The following EML6 variants were observed in gnomAD, a reference collection of about 807,000 sequenced individuals.
EML6 encodes the protein EMAP like 6, also known as echinoderm microtubule-associated protein-like 6.
In EML6, 154 loss-of-function variants were observed where a neutral mutation model predicts 240.1. The ratio of observed to expected loss-of-function variants is 0.64; its 90% CI spans 0.56 to 0.73. The LOEUF is 0.73. Among genes scored for constraint, EML6 ranks in the 30% least tolerant of loss-of-function variants. EML6 has a pLI of 0.00. For missense variants in EML6, 2,964 were observed against 2,474.6 expected (o/e 1.20, Z -4.20); for synonymous variants, 1,148 against 899.0 (o/e 1.28, Z -4.95).
intron 40 of EML6, among the ~76,000 whole-genome samples, 181 bp downstream of exon 40, chr2:54,968,462 G>A (rs556224286): frequency 5.9e-5 from 9 of 152,176 alleles, no homozygotes; most frequent in Non-Finnish European, 1.2e-4. Context: ...AAGGGAGGAT[G>A]GAGGGTGGAT....
chr2:54,949,875 G>C (rs1037332937), intron 29 of EML6, among the ~76,000 whole-genome samples: 3 of 152,186 alleles, frequency 2.0e-5, no homozygotes, highest in Non-Finnish European at 4.4e-5. Flanking sequence ...TGCTTAGAAG[G>C]CTCCTCCTGC....
At chr2:54,764,899 A>G (rs191926087) in intron 2 of EML6, among the ~76,000 whole-genome samples, 2 of 152,260 alleles carry the variant, frequency 1.3e-5, no homozygotes, top group Non-Finnish European at 2.9e-5. Flanking sequence ...GCTTCCATTA[A>G]AGCTTGTAGT....
chr2:54,858,133 C>T (rs978185031), intron 11 of EML6, among the ~76,000 whole-genome samples: 1 of 152,194 alleles, frequency 6.6e-6, no homozygotes, highest in East Asian at 1.9e-4. Flanking sequence ...CCAGAGGATT[C>T]GCTTCTTCCA....
intron 18 of EML6, 99 bp from the exon 19 acceptor site, chr2:54,892,355 T>C (rs1354780746): frequency 5.6e-6 from 4 of 711,020 alleles, no homozygotes; most frequent in Admixed American, 2.7e-5. Context: ...CATAAATACC[T>C]AATGAGAGAC....
At chr2:54,784,491 A>G (rs1261273622) in intron 2 of EML6, among the ~76,000 whole-genome samples, 1 of 152,174 alleles carries the variant, frequency 6.6e-6, no homozygotes, top group African/African-American at 2.4e-5. Flanking sequence ...CTTTGCCAAT[A>G]TTGGGTGTTA....
intron 12 of EML6, among the ~76,000 whole-genome samples, chr2:54,861,542 C>A (rs1240785220): frequency 6.6e-6 from 1 of 152,162 alleles, no homozygotes. Context: ...ACATAGTCCA[C>A]CCTCCAACCC....
intron 26 of EML6, among the ~76,000 whole-genome samples, chr2:54,927,810 G>A (rs183598127): frequency 1.3e-4 from 20 of 152,372 alleles, no homozygotes; most frequent in Middle Eastern, 3.4e-3. Flanking sequence ...TCTTTCTAGC[G>A]TCTGTGGCAG....
At chr2:54,909,903 G>A (rs962571973) in intron 24 of EML6, among the ~76,000 whole-genome samples, 3 of 150,738 alleles carry the variant, frequency 2.0e-5, no homozygotes, top group Non-Finnish European at 4.4e-5. Context: ...AGATCAAGGT[G>A]GTGCCTATTT....
intron 32 of EML6, 104 bp from the exon 33 acceptor site, chr2:54,957,686 G>A: frequency 1.0e-6 from 1 of 972,856 alleles, no homozygotes; most frequent in Non-Finnish European, 1.6e-6. Flanking sequence ...GAAGAACTGA[G>A]GCATGGCTTA....
At chr2:54,918,968 G>T (rs1019289017) in intron 26 of EML6, among the ~76,000 whole-genome samples, 1 of 152,144 alleles carries the variant, frequency 6.6e-6, no homozygotes, top group African/African-American at 2.4e-5. Flanking sequence ...ATTACCTCAT[G>T]AATCAATATT....
chr2:54,845,777 G>A (rs1385169829), intron 8 of EML6, among the ~76,000 whole-genome samples: 1 of 152,164 alleles, frequency 6.6e-6, no homozygotes, highest in Non-Finnish European at 1.5e-5. Context: ...TTACTGTGCA[G>A]CTCAGCATGG....
intron 17 of EML6, among the ~76,000 whole-genome samples, chr2:54,887,298 T>A (rs1193984125): frequency 6.6e-6 from 1 of 152,246 alleles, no homozygotes; most frequent in African/African-American, 2.4e-5. Flanking sequence ...GGCAATTTTC[T>A]AATTTTATCA....
At chr2:54,843,207 A>G (rs1669554813) in intron 7 of EML6, among the ~76,000 whole-genome samples, 1 of 152,188 alleles carries the variant, frequency 6.6e-6, no homozygotes, top group Admixed American at 6.5e-5. Flanking sequence ...ATAGTATTTA[A>G]AATACATTCT....
chr2:54,918,855 A>C (rs1674071406), intron 26 of EML6, among the ~76,000 whole-genome samples: 1 of 152,216 alleles, frequency 6.6e-6, no homozygotes, highest in African/African-American at 2.4e-5. Context: ...ATGTGAGGTT[A>C]GTTCACAGTG....
chr2:54,871,076 T>C (rs1338752643), intron 15 of EML6, among the ~76,000 whole-genome samples: 2 of 152,306 alleles, frequency 1.3e-5, no homozygotes, highest in African/African-American at 2.4e-5. Context: ...GGCCAGGCCT[T>C]CTTCTGGTGG....
chr2:54,805,772 A>AT (rs955022510), intron 2 of EML6, among the ~76,000 whole-genome samples: 2 of 151,724 alleles, frequency 1.3e-5, no homozygotes, highest in South Asian at 2.1e-4. Context: ...ATTTTCTTAT[A>AT]TTTTTTTCTA....
At chr2:54,827,922 C>G (rs760821161) in intron 6 of EML6, among the ~76,000 whole-genome samples, 171 bp downstream of exon 6, 5 of 152,162 alleles carry the variant, frequency 3.3e-5, no homozygotes, top group Non-Finnish European at 7.4e-5. Context: ...AAATATATTT[C>G]AAAAGCATAC....
intron 36 of EML6, 35 bp downstream of exon 36, chr2:54,962,746 G>A (rs1219000777): frequency 3.5e-6 from 5 of 1,433,348 alleles, no homozygotes; most frequent in East Asian, 2.6e-5. Context: ...AGATGCCCAC[G>A]AGTGGGCTGC....
chr2:54,962,767 G>A, intron 36 of EML6, 56 bp downstream of exon 36: 1 of 1,378,950 alleles, frequency 7.3e-7, no homozygotes, highest in Non-Finnish European at 9.5e-7. Flanking sequence ...GCGGCAGTGG[G>A]AGCTGAGCGA....
Sources: gnomAD v4.1 joint callset for allele counts (sites outside exome capture counted in the v4.1 genomes callset) on GRCh38, gnomAD v4.1.1 for gene constraint, MANE v1.5 for transcripts, NCBI Gene and HGNC (gene_info 2026-07-23, HGNC 2026-07-21) for gene names.